Variants in LDB2 observed in about 807,000 individuals in gnomAD.
The protein encoded by LDB2 is LIM domain-binding protein 2.
A neutral mutation model predicts 44.3 loss-of-function variants in LDB2; 12 were observed. The ratio of observed to expected loss-of-function variants is 0.27; its 90% confidence interval spans 0.17 to 0.44. The LOEUF (loss-of-function observed/expected upper bound fraction) is 0.44, where lower values mean the gene tolerates loss of function less well. LDB2 is among the 20% of genes least tolerant of loss of function. The probability of loss-of-function intolerance (pLI) is 1.00; values close to 1 mark genes in which losing one functional copy is unlikely to be tolerated. For synonymous variants in LDB2, 164 were observed against 174.8 expected (o/e 0.94, Z 0.49); for missense variants, 344 against 473.5 (o/e 0.73, Z 2.54).
intron 1 of LDB2, among the ~76,000 whole-genome samples, chr4:16,766,651 G>A (rs374479103): frequency 4.6e-5 from 7 of 151,454 alleles, no homozygotes; most frequent in East Asian, 2.0e-4. Context: ...GATTATAGGC[G>A]CCCACCACCA....
intron 2 of LDB2, among the ~76,000 whole-genome samples, chr4:16,624,912 G>T (rs1207142618): frequency 1.3e-5 from 2 of 152,136 alleles, no homozygotes; most frequent in African/African-American, 4.8e-5. Context: ...TGTTTAGGAT[G>T]GTTAAAATAC....
chr4:16,513,649 G>A (rs1304209155), intron 5 of LDB2, among the ~76,000 whole-genome samples: 2 of 152,168 alleles, frequency 1.3e-5, no homozygotes, highest in Non-Finnish European at 2.9e-5. Context: ...TCAGGGCTAT[G>A]CCACTTCTGT....
At chr4:16,537,924 T>G (rs1221547763) in intron 5 of LDB2, among the ~76,000 whole-genome samples, 1 of 152,200 alleles carries the variant, frequency 6.6e-6, no homozygotes, top group Admixed American at 6.5e-5. Flanking sequence ...TTACAGGAGT[T>G]GCCTCCCAGG....
intron 5 of LDB2, among the ~76,000 whole-genome samples, chr4:16,526,243 C>T (rs762082924): frequency 4.6e-5 from 7 of 152,198 alleles, no homozygotes; most frequent in Non-Finnish European, 8.8e-5. Context: ...AATTCTCTCT[C>T]GCTTTTCTGG....
At position 16,577,748 on chromosome 4, in the gene LDB2, A is replaced by G. The variant is rs193192423; in HGVS notation, c.615+8174T>C. On this transcript the variant is annotated intron_variant, in intron 5 of 7. Transcript: ENST00000304523. ...TAAAATTTATATGGAACCACAAAAC[A>G]CCCAGAATAGCCAAAGTTATCCTGA... 3.4e-4 allele frequency among the ~76,000 whole-genome samples: 52 copies of G among 152,240 alleles called. No homozygotes were observed. The East Asian group carries it at 9.7e-3, about 28-fold the overall frequency.
chr4:16,648,056 T>C (rs10005151), intron 2 of LDB2, among the ~76,000 whole-genome samples: 58,468 of 152,066 alleles, frequency 0.38, 13,388 homozygotes, highest in Middle Eastern at 0.62. Flanking sequence ...GTAACTTTTC[T>C]TGTATCCCAA....
At chr4:16,512,662 G>C (rs1454495831) in intron 5 of LDB2, among the ~76,000 whole-genome samples, 2 of 152,182 alleles carry the variant, frequency 1.3e-5, no homozygotes, top group African/African-American at 4.8e-5. Flanking sequence ...AAGGTGGATG[G>C]TGAATACTAT....
intron 5 of LDB2, among the ~76,000 whole-genome samples, chr4:16,528,924 C>T (rs1729165273): frequency 6.6e-6 from 1 of 152,296 alleles, no homozygotes; most frequent in South Asian, 2.1e-4. Flanking sequence ...GCAGCAGAGT[C>T]TACACCAAGA....
chr4:16,766,696 G>A (rs1477528254), intron 1 of LDB2, among the ~76,000 whole-genome samples: 1 of 151,778 alleles, frequency 6.6e-6, no homozygotes, highest in Non-Finnish European at 1.5e-5. Flanking sequence ...AGTAGAGACA[G>A]GGTTTCACCA....
At chr4:16,789,449 G>T (rs1447182106) in intron 1 of LDB2, among the ~76,000 whole-genome samples, 2 of 152,198 alleles carry the variant, frequency 1.3e-5, no homozygotes, top group African/African-American at 4.8e-5. Context: ...TCAAACTTTG[G>T]ATGCTCTGAA....
At chr4:16,813,718 C>T (rs957270452) in intron 1 of LDB2, among the ~76,000 whole-genome samples, 1 of 152,116 alleles carries the variant, frequency 6.6e-6, no homozygotes, top group Non-Finnish European at 1.5e-5. Context: ...GATGACACAC[C>T]CAAGCTCACC....
chr4:16,564,669 A>G (rs1006754015), intron 5 of LDB2, among the ~76,000 whole-genome samples: 9 of 152,136 alleles, frequency 5.9e-5, no homozygotes, highest in African/African-American at 2.2e-4. Context: ...ATTATGTTTT[A>G]TTTATTCACT....
intron 2 of LDB2, among the ~76,000 whole-genome samples, chr4:16,716,153 A>C (rs1757029286): frequency 6.6e-6 from 1 of 152,228 alleles, no homozygotes; most frequent in African/African-American, 2.4e-5. Flanking sequence ...AAAGGAAAGA[A>C]GGAACAAACC....
intron 1 of LDB2, among the ~76,000 whole-genome samples, chr4:16,836,420 G>A (rs1784890828): frequency 6.6e-6 from 1 of 152,206 alleles, no homozygotes; most frequent in African/African-American, 2.4e-5. Flanking sequence ...TGCTCAGGAA[G>A]TCCATAGGTT....
intron 2 of LDB2, among the ~76,000 whole-genome samples, chr4:16,686,778 G>A (rs900244864): frequency 2.6e-5 from 4 of 152,226 alleles, no homozygotes; most frequent in Non-Finnish European, 4.4e-5. Context: ...AACTCAGGTT[G>A]CCAGTAGCAT....
intron 1 of LDB2, among the ~76,000 whole-genome samples, chr4:16,803,629 A>G (rs1344366730): frequency 6.6e-6 from 1 of 152,210 alleles, no homozygotes; most frequent in Non-Finnish European, 1.5e-5. Flanking sequence ...TTTCAACCAT[A>G]TATCATGAGA....
At chr4:16,775,651 C>A (rs1339605613) in intron 1 of LDB2, among the ~76,000 whole-genome samples, 2 of 152,146 alleles carry the variant, frequency 1.3e-5, no homozygotes, top group Non-Finnish European at 2.9e-5. Context: ...GGTCCTGACA[C>A]ACAGTTGACA....
intron 7 of LDB2, among the ~76,000 whole-genome samples, chr4:16,507,464 GTCCAC>G (rs1032762960): frequency 1.1e-4 from 16 of 152,112 alleles, no homozygotes; most frequent in Non-Finnish European, 2.1e-4. Context: ...CTGTGCGAAG[GTCCAC>G]TCGCACATGG....
At chr4:16,715,774 T>G (rs941783400) in intron 2 of LDB2, among the ~76,000 whole-genome samples, 2 of 152,154 alleles carry the variant, frequency 1.3e-5, no homozygotes, top group South Asian at 2.1e-4. Flanking sequence ...TTTTGGTGTA[T>G]GGGGAAGTCA....
Sources: gnomAD v4.1 joint callset for allele counts (sites outside exome capture counted in the v4.1 genomes callset) on GRCh38, gnomAD v4.1.1 for gene constraint, MANE v1.5 for transcripts, NCBI Gene and HGNC (gene_info 2026-07-23, HGNC 2026-07-21) for gene names.